GRIK2: variants seen among roughly 807,000 people sequenced by gnomAD.
The protein encoded by GRIK2 is glutamate ionotropic receptor kainate type subunit 2, also known as glutamate receptor ionotropic, kainate 2.
GRIK2 carries 32 observed loss-of-function variants against 100.3 expected under a neutral mutation model. That is an observed-to-expected ratio of 0.32 (90% CI 0.24 to 0.43). GRIK2 has a LOEUF of 0.43. Among genes scored for constraint, GRIK2 ranks in the 20% least tolerant of loss-of-function variants. The probability of loss-of-function intolerance (pLI) is 1.00; values close to 1 mark genes in which losing one functional copy is unlikely to be tolerated. For missense variants in GRIK2, 843 were observed against 1,114.9 expected (o/e 0.76, Z 3.47); for synonymous variants, 417 against 389.4 (o/e 1.07, Z -0.83).
intron 14 of GRIK2, among the ~76,000 whole-genome samples, chr6:101,947,004 C>A (rs1454193443): frequency 2.6e-5 from 4 of 151,992 alleles, no homozygotes; most frequent in Non-Finnish European, 5.9e-5. Context: ...AACGTTGCTA[C>A]CTTGTAATAT....
chr6:101,991,099 C>G (rs747827716), intron 14 of GRIK2, among the ~76,000 whole-genome samples: 189 of 151,900 alleles, frequency 1.2e-3, no homozygotes, highest in Non-Finnish European at 2.0e-3. Flanking sequence ...ACAAAAATAA[C>G]AAGTATGGAT....
chr6:102,065,000 A>G (rs1247612645), intron 16 of GRIK2, among the ~76,000 whole-genome samples: 2 of 151,188 alleles, frequency 1.3e-5, no homozygotes, highest in Non-Finnish European at 3.0e-5. Flanking sequence ...AAATAAACCT[A>G]TTTTTCATGT....
intron 9 of GRIK2, among the ~76,000 whole-genome samples, chr6:101,807,873 T>A (rs1326141334): frequency 6.6e-6 from 1 of 152,030 alleles, no homozygotes; most frequent in East Asian, 1.9e-4. Flanking sequence ...TATTTGTGTA[T>A]TCAGTCTGTG....
Position 101,945,001 on chromosome 6 carries a change from G to A in GRIK2, c.2085+16369G>A, listed in dbSNP as rs546906661. Among the ~76,000 whole-genome samples, 123 of 152,074 alleles carry A rather than the reference G, an allele frequency of 8.1e-4. 1 individual carries two copies. The highest frequency in any genetic ancestry group is 7.5e-3 in the Middle Eastern group (2 of 268). On this transcript the variant is annotated intron_variant, in intron 14 of 16. Coordinates refer to ENST00000369134, the MANE Select transcript of GRIK2 (RefSeq NM_021956.5). ...GGAAAGATAAACAGACATAACTTTT[G>A]AACAAGAATATGTGCTTTGAAGCCA...
At chr6:101,908,574 G>T (rs1166776210) in intron 12 of GRIK2, among the ~76,000 whole-genome samples, 1 of 151,106 alleles carries the variant, frequency 6.6e-6, no homozygotes, top group East Asian at 1.9e-4. Context: ...CCATAAAAAA[G>T]ATCCAGGGAA....
intron 2 of GRIK2, among the ~76,000 whole-genome samples, chr6:101,411,558 A>C (rs1354580631): frequency 6.6e-6 from 1 of 152,088 alleles, no homozygotes; most frequent in Non-Finnish European, 1.5e-5. Flanking sequence ...AGATAATCCT[A>C]AGAAGTTTTT....
rs566791126 is a variant in GRIK2 at position 101,792,940 on chromosome 6, C to T, written c.952-6708C>T. Among the ~76,000 whole-genome samples the T allele has an allele frequency of 1.6e-4, 25 of 152,204 alleles. No individual in the cohort carries two copies. In the South Asian group the frequency reaches 2.1e-3, roughly 13 times the overall value. Reference sequence around the variant, plus strand: ...TCTTTTTTCTCTAAACTTCCCTTCTCGCTTCATTTCATTCATTTCATCTTC... The same window carrying T: ...TCTTTTTTCTCTAAACTTCCCTTCTTGCTTCATTTCATTCATTTCATCTTC... On this transcript the variant is annotated intron_variant, in intron 7 of 16. Coordinates refer to ENST00000369134, the MANE Select transcript of GRIK2 (RefSeq NM_021956.5).
intron 7 of GRIK2, among the ~76,000 whole-genome samples, chr6:101,760,104 C>G (rs988645130): frequency 3.5e-5 from 5 of 144,712 alleles, no homozygotes; most frequent in Non-Finnish European, 7.4e-5. Flanking sequence ...CTCCTGACCT[C>G]ATGATCCACC....
rs3056161 is a variant in GRIK2 at position 101,592,588 on chromosome 6, CATATATATATATATATATATAT to C, written c.116-29346_116-29325del. 4.3e-4 allele frequency among the ~76,000 whole-genome samples: 44 copies of C among 101,956 alleles called. 1 individual carries two copies. The highest frequency in any genetic ancestry group is 5.6e-3 in the Middle Eastern group (1 of 180). 66.9% of individuals were successfully genotyped at this position (101,956 alleles called of 152,430 possible). A position where few individuals can be genotyped will look rare whatever the true frequency, so the allele number is the denominator to read the frequency against. On this transcript the variant is annotated intron_variant, in intron 2 of 16. Transcript: ENST00000369134. ...TCATGGGATAGAATTACTAATATCA[CATATATATATATATATATATAT>C]ATATATATATATATTGCTTTTTCAC...
intron 14 of GRIK2, among the ~76,000 whole-genome samples, chr6:101,964,126 T>C (rs73498668): frequency 0.052 from 7,779 of 149,010 alleles, 286 homozygotes; most frequent in Admixed American, 0.12. Flanking sequence ...TAAATGTAGA[T>C]ATATAATATA....
intron 2 of GRIK2, among the ~76,000 whole-genome samples, chr6:101,454,002 G>A (rs75837705): frequency 0.017 from 2,621 of 152,030 alleles, 62 homozygotes; most frequent in African/African-American, 0.057. Context: ...ACCAATAACC[G>A]TTACACGAAA....
chr6:101,796,379 A>T (rs991278457), intron 7 of GRIK2, among the ~76,000 whole-genome samples: 1 of 152,218 alleles, frequency 6.6e-6, no homozygotes, highest in African/African-American at 2.4e-5. Context: ...TTTTGTGAGC[A>T]TTCTTGTGAG....
intron 7 of GRIK2, among the ~76,000 whole-genome samples, chr6:101,687,340 A>T (rs1283963965): frequency 6.6e-6 from 1 of 151,972 alleles, no homozygotes; most frequent in African/African-American, 2.4e-5. Flanking sequence ...ACTATAATTA[A>T]GGAAATAGCT....
At chr6:101,573,844 G>A (rs1378799331) in intron 2 of GRIK2, among the ~76,000 whole-genome samples, 1 of 152,038 alleles carries the variant, frequency 6.6e-6, no homozygotes, top group Non-Finnish European at 1.5e-5. Flanking sequence ...GACAACAAAA[G>A]TGGGGGTGTT....
At chr6:101,539,985 A>G (rs1007208506) in intron 2 of GRIK2, among the ~76,000 whole-genome samples, 9 of 151,960 alleles carry the variant, frequency 5.9e-5, no homozygotes, top group Non-Finnish European at 8.8e-5. Context: ...GTGTGCATCC[A>G]TTGATATTTG....
intron 7 of GRIK2, among the ~76,000 whole-genome samples, chr6:101,738,710 T>G (rs1775838867): frequency 6.6e-6 from 1 of 152,160 alleles, no homozygotes; most frequent in South Asian, 2.1e-4. Context: ...CTCTTTGCTG[T>G]GGGGGACTGT....
chr6:101,580,610 C>T (rs746994377), intron 2 of GRIK2, among the ~76,000 whole-genome samples: 2 of 152,090 alleles, frequency 1.3e-5, no homozygotes, highest in Non-Finnish European at 2.9e-5. Flanking sequence ...CTATAGCATT[C>T]TTCTGGAAAA....
intron 11 of GRIK2, among the ~76,000 whole-genome samples, chr6:101,862,894 G>A (rs554563655): frequency 6.6e-6 from 1 of 151,958 alleles, no homozygotes; most frequent in South Asian, 2.1e-4. Flanking sequence ...TTTTCCATTG[G>A]GCTGATCATC....
At chr6:101,703,436 T>C (rs1188289999) in intron 7 of GRIK2, among the ~76,000 whole-genome samples, 1 of 151,896 alleles carries the variant, frequency 6.6e-6, no homozygotes, top group East Asian at 1.9e-4. Flanking sequence ...TGCTTAATTT[T>C]GGTAAGCTTG....
Sources: gnomAD v4.1 joint callset for allele counts (sites outside exome capture counted in the v4.1 genomes callset) on GRCh38, gnomAD v4.1.1 for gene constraint, MANE v1.5 for transcripts, NCBI Gene and HGNC (gene_info 2026-07-23, HGNC 2026-07-21) for gene names.